Variants in NPAS3 observed in about 807,000 individuals in gnomAD.
The protein encoded by NPAS3 is neuronal PAS domain-containing protein 3.
In NPAS3, 14 loss-of-function variants were observed where a neutral mutation model predicts 73.1. The observed-to-expected ratio is 0.19, with a 90% CI of 0.13 to 0.30. NPAS3 has a LOEUF of 0.30. Ranked by LOEUF, NPAS3 falls within the 10% of genes least tolerant of loss-of-function variation. The pLI is 1.00. For synonymous variants in NPAS3, 620 were observed against 541.5 expected (o/e 1.14, Z -2.01); for missense variants, 1,096 against 1,250.0 (o/e 0.88, Z 1.86).
intron 5 of NPAS3, among the ~76,000 whole-genome samples, chr14:33,599,577 C>A (rs2057342091): frequency 6.6e-6 from 1 of 152,144 alleles, no homozygotes; most frequent in African/African-American, 2.4e-5. Context: ...AATATTCATA[C>A]TTCTAAACTG....
At chr14:32,946,088 A>C (rs2036237924) in intron 1 of NPAS3, among the ~76,000 whole-genome samples, 1 of 152,204 alleles carries the variant, frequency 6.6e-6, no homozygotes, top group Non-Finnish European at 1.5e-5. Context: ...AACTCATTTT[A>C]GTACCTAACT....
At chr14:33,356,176 A>T (rs1350793390) in intron 3 of NPAS3, among the ~76,000 whole-genome samples, 1 of 152,246 alleles carries the variant, frequency 6.6e-6, no homozygotes, top group African/African-American at 2.4e-5. Flanking sequence ...AACTTGCCAC[A>T]CTGAAGAGAC....
chr14:33,540,848 G>A (rs926924937), intron 4 of NPAS3, among the ~76,000 whole-genome samples: 6 of 152,072 alleles, frequency 3.9e-5, no homozygotes, highest in South Asian at 2.1e-4. Context: ...GACAGGTAGC[G>A]GACACCACTT....
chr14:33,069,387 A>G (rs2041401616), intron 2 of NPAS3, among the ~76,000 whole-genome samples: 1 of 152,230 alleles, frequency 6.6e-6, no homozygotes, highest in Non-Finnish European at 1.5e-5. Context: ...AGAGATATTT[A>G]TTCATTTATT....
At chr14:33,725,209 C>G (rs1183528860) in intron 6 of NPAS3, among the ~76,000 whole-genome samples, 1 of 152,068 alleles carries the variant, frequency 6.6e-6, no homozygotes, top group Non-Finnish European at 1.5e-5. Context: ...CACATGTATA[C>G]TTATGTAACA....
chr14:33,543,067 C>T (rs1003993743), intron 4 of NPAS3, among the ~76,000 whole-genome samples: 2 of 152,198 alleles, frequency 1.3e-5, no homozygotes, highest in African/African-American at 4.8e-5. Context: ...GTGCTTTGTG[C>T]TTGGAGGGCA....
chr14:33,620,421 T>C (rs1340234858), intron 5 of NPAS3, among the ~76,000 whole-genome samples: 1 of 152,150 alleles, frequency 6.6e-6, no homozygotes, highest in African/African-American at 2.4e-5. Flanking sequence ...TCTGTTCTTA[T>C]ACCCATAAAA....
intron 1 of NPAS3, among the ~76,000 whole-genome samples, chr14:32,979,600 G>A (rs939148153): frequency 6.6e-6 from 1 of 152,114 alleles, no homozygotes. Flanking sequence ...ACATATGTGG[G>A]CCATGATTGT....
chr14:33,199,251 G>A (rs2046516037), intron 2 of NPAS3, among the ~76,000 whole-genome samples: 1 of 152,222 alleles, frequency 6.6e-6, no homozygotes, highest in South Asian at 2.1e-4. Flanking sequence ...AGGCCGAGGA[G>A]GCACTGAGAG....
intron 2 of NPAS3, among the ~76,000 whole-genome samples, chr14:33,102,334 C>T (rs2042601347): frequency 6.6e-6 from 1 of 152,120 alleles, no homozygotes; most frequent in Non-Finnish European, 1.5e-5. Flanking sequence ...CCACACAGAA[C>T]CATATCCATA....
intron 6 of NPAS3, among the ~76,000 whole-genome samples, chr14:33,679,213 AGTAGAGAAC>A (rs1383578245): frequency 1.3e-5 from 2 of 152,216 alleles, no homozygotes; most frequent in Non-Finnish European, 2.9e-5. Flanking sequence ...GACTCTCACC[AGTAGAGAAC>A]GTTAAGCTAC....
intron 2 of NPAS3, among the ~76,000 whole-genome samples, chr14:33,111,555 G>T (rs1190052741): frequency 6.6e-6 from 1 of 151,842 alleles, no homozygotes; most frequent in East Asian, 1.9e-4. Context: ...TTATTAATGT[G>T]CAGGTTTCCC....
intron 1 of NPAS3, among the ~76,000 whole-genome samples, chr14:32,971,651 C>A (rs1049893613): frequency 6.6e-6 from 1 of 152,238 alleles, no homozygotes; most frequent in Admixed American, 6.5e-5. Flanking sequence ...TTTTGGATCA[C>A]ATTTTAATTT....
chr14:33,089,921 T>C (rs1000820975), intron 2 of NPAS3, among the ~76,000 whole-genome samples: 4 of 152,282 alleles, frequency 2.6e-5, no homozygotes, highest in African/African-American at 9.6e-5. Context: ...GAAGGAGAAA[T>C]AAAATCCTTT....
chr14:33,450,832 T>A (rs1368307377), intron 4 of NPAS3, among the ~76,000 whole-genome samples: 1 of 152,234 alleles, frequency 6.6e-6, no homozygotes, highest in Admixed American at 6.5e-5. Context: ...AATTATTGAT[T>A]GTCATGGTTG....
intron 2 of NPAS3, among the ~76,000 whole-genome samples, chr14:33,168,116 A>G (rs1168957582): frequency 1.3e-5 from 2 of 152,176 alleles, no homozygotes; most frequent in Non-Finnish European, 2.9e-5. Context: ...CAGCGTAGCT[A>G]CGGAAGAGCC....
intron 3 of NPAS3, among the ~76,000 whole-genome samples, chr14:33,348,671 C>T (rs769275202): frequency 2.0e-5 from 3 of 152,162 alleles, no homozygotes; most frequent in Admixed American, 6.5e-5. Context: ...CCTTTGTTCA[C>T]GTAGTAGTTC....
intron 4 of NPAS3, among the ~76,000 whole-genome samples, chr14:33,454,837 A>T (rs779383585): frequency 2.0e-5 from 3 of 152,150 alleles, no homozygotes; most frequent in Non-Finnish European, 4.4e-5. Flanking sequence ...GGTGATACTG[A>T]TGGGAGTACC....
intron 4 of NPAS3, among the ~76,000 whole-genome samples, chr14:33,457,800 G>A (rs1305255017): frequency 6.6e-6 from 1 of 152,134 alleles, no homozygotes; most frequent in African/African-American, 2.4e-5. Context: ...TTATGGGATG[G>A]TGCCAGATTT....
Sources: allele counts gnomAD v4.1 joint callset (sites outside exome capture counted in the v4.1 genomes callset), GRCh38; gene constraint gnomAD v4.1.1; transcripts MANE v1.5; gene names NCBI Gene and HGNC (gene_info 2026-07-23, HGNC 2026-07-21).